The following TENM2 variants were observed in gnomAD, a reference collection of about 807,000 sequenced individuals.
The protein encoded by TENM2 is teneurin transmembrane protein 2.
A neutral mutation model predicts 245.2 loss-of-function variants in TENM2; 52 were observed. That is an observed-to-expected ratio of 0.21 (90% CI 0.17 to 0.27). The LOEUF (loss-of-function observed/expected upper bound fraction) is 0.27, where lower values mean the gene tolerates loss of function less well. TENM2 is among the 10% of genes least tolerant of loss of function. TENM2 has a pLI of 1.00. For missense variants in TENM2, 3,046 were observed against 3,666.8 expected, an observed-to-expected ratio of 0.83 and a Z score of 4.37; for synonymous variants, 1,363 against 1,438.9, an observed-to-expected ratio of 0.95 and a Z score of 1.19.
intron 2 of TENM2, among the ~76,000 whole-genome samples, chr5:167,490,869 G>A (rs188357845): frequency 6.6e-6 from 1 of 152,172 alleles, no homozygotes; most frequent in South Asian, 2.1e-4. Context: ...TAAGTCCCAA[G>A]GTAAGGTAGT....
intron 2 of TENM2, among the ~76,000 whole-genome samples, chr5:167,685,533 G>T (rs1757016958): frequency 6.6e-6 from 1 of 152,142 alleles, no homozygotes; most frequent in African/African-American, 2.4e-5. Context: ...CAATATCTCA[G>T]TGGTTGATAC....
intron 1 of TENM2, among the ~76,000 whole-genome samples, chr5:167,370,793 A>G (rs1760370156): frequency 6.6e-6 from 1 of 152,234 alleles, no homozygotes; most frequent in Admixed American, 6.5e-5. Flanking sequence ...CCTCCTTGTT[A>G]TCTTTCTGAA....
chr5:167,627,502 T>G (rs547133646), intron 2 of TENM2, among the ~76,000 whole-genome samples: 1 of 152,232 alleles, frequency 6.6e-6, no homozygotes, highest in South Asian at 2.1e-4. Flanking sequence ...AGTAAGTCTT[T>G]ATAAATACAA....
intron 2 of TENM2, among the ~76,000 whole-genome samples, chr5:167,465,097 T>C (rs1766562011): frequency 6.6e-6 from 1 of 152,218 alleles, no homozygotes; most frequent in Non-Finnish European, 1.5e-5. Context: ...TAGAGGTGTT[T>C]AAGTTGCAAG....
At chr5:168,207,411 C>A (rs558099430) in intron 19 of TENM2, among the ~76,000 whole-genome samples, 1 of 152,166 alleles carries the variant, frequency 6.6e-6, no homozygotes, top group South Asian at 2.1e-4. Flanking sequence ...CACGTGGTGA[C>A]ATTAGGACAG....
At chr5:167,964,626 G>A (rs918522701) in intron 4 of TENM2, among the ~76,000 whole-genome samples, 1 of 152,166 alleles carries the variant, frequency 6.6e-6, no homozygotes, top group Non-Finnish European at 1.5e-5. Context: ...GACAAATGCA[G>A]TAAGTGCCAC....
Position 167,686,718 on chromosome 5 carries a change from A to G in TENM2, c.503-189268A>G, listed in dbSNP as rs1157696267. Among the ~76,000 whole-genome samples, 3 of 152,202 alleles carry G rather than the reference A, an allele frequency of 2.0e-5. No individual in the cohort carries two copies. The East Asian group carries it at 5.8e-4, about 29-fold the overall frequency. On this transcript the variant is annotated intron_variant, in intron 2 of 28. Coordinates refer to ENST00000518659, the Ensembl canonical transcript of TENM2. ...ATTTGAAAAACCAAAAAGGATGGGT[A>G]GACCACTTGAGGTTTGCTGGGATGC...
chr5:167,478,925 ATTATT>A (rs1406829412), intron 2 of TENM2, among the ~76,000 whole-genome samples: 1 of 151,980 alleles, frequency 6.6e-6, no homozygotes, highest in African/African-American at 2.4e-5. Context: ...CTTTATATGT[ATTATT>A]TTATTTAATT....
At chr5:168,160,983 A>G (rs1173786669) in intron 12 of TENM2, among the ~76,000 whole-genome samples, 1 of 152,138 alleles carries the variant, frequency 6.6e-6, no homozygotes, top group African/African-American at 2.4e-5. Flanking sequence ...GTGAGCTATG[A>G]TCATGCCACT....
At chr5:167,980,041 T>C (rs1344988174) in intron 4 of TENM2, among the ~76,000 whole-genome samples, 1 of 152,180 alleles carries the variant, frequency 6.6e-6, no homozygotes, top group Non-Finnish European at 1.5e-5. Flanking sequence ...CTTTATTCAT[T>C]AAATAAAAAT....
chr5:167,492,746 G>A (rs1184372484), intron 2 of TENM2, among the ~76,000 whole-genome samples: 1 of 152,114 alleles, frequency 6.6e-6, no homozygotes, highest in African/African-American at 2.4e-5. Context: ...TGGTGACATG[G>A]TGGTGGCCAA....
At position 167,708,992 on chromosome 5, in the gene TENM2, C is replaced by A. The variant is rs546165728; in HGVS notation, c.503-166994C>A. On this transcript the variant is annotated intron_variant, in intron 2 of 28. Transcript: ENST00000518659. ...ATGGGCGAGTCTAGCACTTCCCTCC[C>A]CTCTGCATATATCACACAGATGCCT... 8.3e-4 allele frequency among the ~76,000 whole-genome samples: 126 copies of A among 152,258 alleles called. 1 individual carries two copies. The highest frequency in any genetic ancestry group is 1.3e-3 in the Admixed American group (20 of 15,290).
chr5:167,978,225 G>C (rs754006586), intron 4 of TENM2, among the ~76,000 whole-genome samples: 1 of 152,180 alleles, frequency 6.6e-6, no homozygotes, highest in Admixed American at 6.5e-5. Flanking sequence ...GCAACACAAA[G>C]TGTACTGAGG....
intron 2 of TENM2, among the ~76,000 whole-genome samples, chr5:167,646,167 ATG>A (rs1779924712): frequency 3.1e-5 from 1 of 32,194 alleles, no homozygotes; most frequent in African/African-American, 7.4e-5. Flanking sequence ...ATATATATAT[ATG>A]TTGTTTTCAT....
chr5:167,833,285 C>G (rs909600931), intron 2 of TENM2, among the ~76,000 whole-genome samples: 1 of 152,118 alleles, frequency 6.6e-6, no homozygotes, highest in Non-Finnish European at 1.5e-5. Flanking sequence ...GAATTAATCA[C>G]TTTACTTTAG....
chr5:167,740,661 A>G (rs527768912), intron 2 of TENM2, among the ~76,000 whole-genome samples: 1 of 152,336 alleles, frequency 6.6e-6, no homozygotes, highest in South Asian at 2.1e-4. Context: ...GCCAAGAATA[A>G]GAATAACACT....
At position 168,154,926 on chromosome 5, in the gene TENM2, C is replaced by T. The variant is rs1044961845; in HGVS notation, c.2423-7685C>T. Among the ~76,000 whole-genome samples, 4 of 152,318 alleles carry T rather than the reference C, an allele frequency of 2.6e-5. 1 individual carries two copies. ...AACATCTGCCTCTCTCAATTTGCCA[C>T]GTCTTTTCTAACAAAGCAGAGTCAG... On this transcript the variant is annotated intron_variant, in intron 12 of 28. Transcript: ENST00000518659.
chr5:167,853,305 A>AAAAAAAAAAAAAAC, intron 2 of TENM2, among the ~76,000 whole-genome samples: 1 of 141,256 alleles, frequency 7.1e-6, no homozygotes, highest in Non-Finnish European at 1.6e-5. Flanking sequence ...AAAAAAAAAA[A>AAAAAAAAAAAAAAC]AAAAAAAGAA....
intron 2 of TENM2, among the ~76,000 whole-genome samples, chr5:167,602,834 A>G (rs1776732871): frequency 6.6e-6 from 1 of 152,202 alleles, no homozygotes; most frequent in African/African-American, 2.4e-5. Flanking sequence ...AGAAAATTTC[A>G]TAGAGATAAA....
Sources: gnomAD v4.1 joint callset for allele counts (sites outside exome capture counted in the v4.1 genomes callset) on GRCh38, gnomAD v4.1.1 for gene constraint, MANE v1.5 for transcripts, NCBI Gene and HGNC (gene_info 2026-07-23, HGNC 2026-07-21) for gene names.